SVOPL: variants seen among roughly 807,000 people sequenced by gnomAD.
SVOPL encodes the protein SVOP like, also known as putative transporter SVOPL.
In SVOPL, 60 loss-of-function variants were observed where a neutral mutation model predicts 61.0. The observed-to-expected ratio is 0.98, with a 90% CI of 0.80 to 1.22. The LOEUF (loss-of-function observed/expected upper bound fraction) is 1.22. Among genes scored for constraint, SVOPL ranks in the 50% most tolerant of loss-of-function variants. SVOPL has a pLI of 0.00. For missense variants in SVOPL, 662 were observed against 643.9 expected (o/e 1.03, Z -0.30); for synonymous variants, 279 against 250.0 (o/e 1.12, Z -1.09).
chr7:138,615,750 A>G (rs62485300), intron 14 of SVOPL, among the ~76,000 whole-genome samples: 2 of 33,900 alleles, frequency 5.9e-5, no homozygotes, highest in African/African-American at 5.2e-5. Flanking sequence ...AGCCGACATC[A>G]CACCACTGCA....
At position 138,594,338 on chromosome 7, in the gene SVOPL, T is replaced by C. The variant is rs1614641; in HGVS notation, c.*272A>G. 0.73 allele frequency: 195,759 copies of C among 266,398 alleles called. 73,497 individuals carry two copies. Among genetic ancestry groups the C allele is most frequent in the African/African-American group, 0.89 (40,791 of 45,612 alleles). 16.5% of individuals were successfully genotyped at this position (266,398 alleles called of 1,614,324 possible). ...TAAAGGTTTACAGACTTGATTTCAA[T>C]GAAGAAAAGCCATCTTCCCCCCCAC... On this transcript the variant is annotated 3_prime_UTR_variant, in exon 16 of 16. Coordinates refer to ENST00000674285, the MANE Select transcript of SVOPL (RefSeq NM_001139456.2).
At chr7:138,690,214 G>C (rs767861353) in intron 1 of SVOPL, among the ~76,000 whole-genome samples, 1 of 152,182 alleles carries the variant, frequency 6.6e-6, no homozygotes, top group Non-Finnish European at 1.5e-5. Flanking sequence ...GGCAGCCCTA[G>C]GGAACTAATA....
chr7:138,631,115 T>C (rs926211199), intron 9 of SVOPL, among the ~76,000 whole-genome samples: 1 of 152,156 alleles, frequency 6.6e-6, no homozygotes, highest in African/African-American at 2.4e-5. Context: ...ACACTGGGAA[T>C]GTGGTCCTGG....
At chr7:138,699,422 C>G (rs1023610191) in intron 1 of SVOPL, among the ~76,000 whole-genome samples, 1 of 151,220 alleles carries the variant, frequency 6.6e-6, no homozygotes, top group African/African-American at 2.4e-5. Flanking sequence ...ACACTGGGAT[C>G]AAATAAAAAA....
chr7:138,597,641 C>CGTGTGTGTGTGTGTGTGTGT (rs60875635), intron 14 of SVOPL, among the ~76,000 whole-genome samples: 99 of 147,614 alleles, frequency 6.7e-4, no homozygotes, highest in African/African-American at 1.9e-3. Flanking sequence ...ATAACGTCTG[C>CGTGTGTGTGTGTGTGTGTGT]GTGTGTGTGT....
chr7:138,660,108 C>A (rs1801939269), intron 5 of SVOPL, 120 bp from the exon 6 acceptor site: 2 of 1,472,248 alleles, frequency 1.4e-6, no homozygotes, highest in Non-Finnish European at 1.8e-6. Context: ...AGGAGCTAAC[C>A]TGTAGCAAGC....
intron 4 of SVOPL, among the ~76,000 whole-genome samples, chr7:138,667,081 G>A (rs1802283222): frequency 6.6e-6 from 1 of 152,150 alleles, no homozygotes; most frequent in Non-Finnish European, 1.5e-5. Flanking sequence ...GGGCTCCAAA[G>A]TTAATAAGAG....
At chr7:138,626,130 T>C in intron 12 of SVOPL, 80 bp from the exon 13 acceptor site, 1 of 1,346,228 alleles carries the variant, frequency 7.4e-7, no homozygotes, top group Non-Finnish European at 1.0e-6. Context: ...GAGTGCACTG[T>C]GGATGCTGAG....
intron 5 of SVOPL, chr7:138,660,734 G>C (rs1801965019): frequency 1.0e-6 from 1 of 985,102 alleles, no homozygotes; most frequent in African/African-American, 1.7e-5. Context: ...ATATTTTCAA[G>C]GTTCATGTTT....
At chr7:138,617,483 A>G (rs1437055230) in intron 14 of SVOPL, among the ~76,000 whole-genome samples, 1 of 152,214 alleles carries the variant, frequency 6.6e-6, no homozygotes, top group African/African-American at 2.4e-5. Context: ...AGTCCTCCCT[A>G]TTGATAGCTG....
intron 7 of SVOPL, among the ~76,000 whole-genome samples, chr7:138,653,035 C>T (rs1295232216): frequency 6.6e-6 from 1 of 152,158 alleles, no homozygotes; most frequent in South Asian, 2.1e-4. Flanking sequence ...CTGGATAGAT[C>T]AAAGTGCCAC....
intron 14 of SVOPL, among the ~76,000 whole-genome samples, chr7:138,617,406 G>T (rs1799349692): frequency 6.6e-6 from 1 of 152,146 alleles, no homozygotes; most frequent in Non-Finnish European, 1.5e-5. Context: ...GGAGGAGCAA[G>T]AAGAAGGAAA....
At chr7:138,689,357 C>T in intron 1 of SVOPL, 1 of 1,589,444 alleles carries the variant, frequency 6.3e-7, no homozygotes, top group South Asian at 1.1e-5. Context: ...CTAAGATGCG[C>T]CGCCGGATCG....
At chr7:138,630,680 C>G (rs545989779) in intron 9 of SVOPL, among the ~76,000 whole-genome samples, 1 of 152,114 alleles carries the variant, frequency 6.6e-6, no homozygotes, top group African/African-American at 2.4e-5. Context: ...TGGGGGCTCA[C>G]GCCTGTAATC....
intron 15 of SVOPL, among the ~76,000 whole-genome samples, chr7:138,595,264 G>A (rs1459137905): frequency 6.6e-6 from 1 of 152,152 alleles, no homozygotes; most frequent in East Asian, 1.9e-4. Flanking sequence ...TCTAGAAGCT[G>A]TATTGGTGTC....
chr7:138,675,549 G>T (rs1338197703), intron 3 of SVOPL, among the ~76,000 whole-genome samples: 4 of 151,954 alleles, frequency 2.6e-5, no homozygotes, highest in Admixed American at 1.3e-4. Context: ...AGAGATGAGG[G>T]TTTGCCATGT....
chr7:138,622,166 GTATCTATCTGTCTATGTATC>G (rs1799665307), intron 13 of SVOPL, among the ~76,000 whole-genome samples: 1 of 35,240 alleles, frequency 2.8e-5, no homozygotes, highest in Non-Finnish European at 6.3e-5. Flanking sequence ...ATCTGTCTAT[GTATCTATCTGTCTATGTATC>G]TATCTATCTA....
intron 14 of SVOPL, among the ~76,000 whole-genome samples, chr7:138,615,940 C>T (rs931303120): frequency 4.7e-5 from 7 of 150,510 alleles, no homozygotes; most frequent in African/African-American, 9.8e-5. Context: ...GTCTCCAAGC[C>T]GAGAAGAGAG....
intron 14 of SVOPL, among the ~76,000 whole-genome samples, chr7:138,612,057 AT>A (rs1342812983): frequency 3.6e-5 from 1 of 27,756 alleles, no homozygotes; most frequent in Admixed American, 6.5e-4. Flanking sequence ...ACTAAGAAAA[AT>A]TCCTCTGTCT....
Sources: allele counts gnomAD v4.1 joint callset (sites outside exome capture counted in the v4.1 genomes callset), GRCh38; gene constraint gnomAD v4.1.1; transcripts MANE v1.5; gene names NCBI Gene and HGNC (gene_info 2026-07-23, HGNC 2026-07-21).